The following PODNL1 variants were observed in gnomAD, a reference collection of about 807,000 sequenced individuals.
The protein encoded by PODNL1 is podocan like 1.
In PODNL1, 50 loss-of-function variants were observed where a neutral mutation model predicts 45.1. That is an observed-to-expected ratio of 1.11 (90% CI 0.88 to 1.40). PODNL1 has a LOEUF of 1.40. Among genes scored for constraint, PODNL1 ranks in the 40% most tolerant of loss-of-function variants. PODNL1 has a pLI of 0.00. For synonymous variants in PODNL1, 406 were observed against 372.5 expected (o/e 1.09, Z -1.04); for missense variants, 788 against 793.3 (o/e 0.99, Z 0.08).
chr19:13,935,845 C>T lies in PODNL1; in HGVS notation c.385-15G>A, dbSNP rs778090413. On this transcript the variant is annotated splice_polypyrimidine_tract_variant and intron_variant, in intron 4 of 9. Transcript: ENST00000588872. ...GCCACTGAGAGCTGTGGGGACACAGCCCACAGCCGGACTGGTCCTGGTGCG... is the reference window on the plus strand; with the variant it reads ...GCCACTGAGAGCTGTGGGGACACAGTCCACAGCCGGACTGGTCCTGGTGCG... The T allele has an allele frequency of 1.3e-6, 2 of 1,597,320 alleles. No homozygotes were observed. Among genetic ancestry groups the T allele is most frequent in the East Asian group, 2.2e-5 (1 of 44,514 alleles).
Position 13,933,239 on chromosome 19 carries a change from C to T in PODNL1, c.984G>A (p.Pro328=), listed in dbSNP as rs767820910. Residue 328 remains proline, a synonymous_variant, in exon 8 of 10, where the codon CCG becomes CCA. Transcript: ENST00000588872. The surrounding 1 kb of genome is among the most constrained non-coding windows in gnomAD (Gnocchi z 5.2). The part of the protein sequence containing the change: ...SSGLPAGALR[P]LRGLHTLHLY... The stretch of plus-strand genomic sequence containing the variant: ...GGTGCAGCGTGTGCAGGCCCCGCAG[C>T]GGCCGCAGAGCCCCGGCGGGCAGCC... 1.0e-4 allele frequency: 155 copies of T among 1,543,720 alleles called. No homozygotes were observed. The highest frequency in any genetic ancestry group is 3.3e-4 in the Middle Eastern group (2 of 5,996).
intron 1 of PODNL1, among the ~76,000 whole-genome samples, chr19:13,950,378 C>T (rs1384478553): frequency 2.0e-5 from 3 of 152,060 alleles, no homozygotes; most frequent in Non-Finnish European, 4.4e-5. Context: ...CCATGTTGCC[C>T]AGGCTGGTCT....
At chr19:13,953,021 C>G (rs190991584) in intron 1 of PODNL1, 61 of 1,364,996 alleles carry the variant, frequency 4.5e-5, no homozygotes, top group Non-Finnish European at 5.9e-5. Flanking sequence ...CTTCCCGCCC[C>G]CTTTGCAGAG....
At chr19:13,953,203 G>T in exon 1 of PODNL1, 1 of 1,431,926 alleles carries the variant, frequency 7.0e-7, no homozygotes, top group Non-Finnish European at 9.4e-7. Flanking sequence ...ACCGAAGCAG[G>T]CTCTGTCTCC....
intron 1 of PODNL1, among the ~76,000 whole-genome samples, chr19:13,943,803 C>T (rs73515543): frequency 0.077 from 11,776 of 152,182 alleles, 1,319 homozygotes; most frequent in African/African-American, 0.25. Context: ...TCTTTGGATT[C>T]AGGGTCCACT....
At position 13,948,203 on chromosome 19, in the gene PODNL1, C is replaced by CT. The variant is rs1213833304; in HGVS notation, c.18+4915dup. Among the ~76,000 whole-genome samples, 357 of 131,976 alleles carry CT rather than the reference C, an allele frequency of 2.7e-3. 1 individual carries two copies. Among genetic ancestry groups the CT allele is most frequent in the African/African-American group, 6.5e-3 (194 of 29,644 alleles). 86.6% of individuals were successfully genotyped at this position (131,976 alleles called of 152,430 possible). A position where few individuals can be genotyped will look rare whatever the true frequency, so the allele number is the denominator to read the frequency against. Reference sequence around the variant, plus strand: ...TCTCCATTTTCTTTTCTTTTCTTTTCTTTTTTTTTTTTTGAGACGGAGTCT... The same window carrying CT: ...TCTCCATTTTCTTTTCTTTTCTTTTCTTTTTTTTTTTTTTGAGACGGAGTCT... On this transcript the variant is annotated intron_variant, in intron 1 of 7. Transcript: ENST00000538371.
At chr19:13,941,315 G>A (rs972008444), upstream of PODNL1, among the ~76,000 whole-genome samples, 17 of 146,166 alleles carry the variant, frequency 1.2e-4, no homozygotes, top group Non-Finnish European at 1.6e-4. Flanking sequence ...GCAGTGAGCC[G>A]AGATCACACC....
At chr19:13,941,626 C>A (rs961951885), upstream of PODNL1, among the ~76,000 whole-genome samples, 3 of 152,108 alleles carry the variant, frequency 2.0e-5, no homozygotes, top group African/African-American at 7.2e-5. Context: ...TCCTGGCCAA[C>A]AAGGTGAAAC....
intron 1 of PODNL1, among the ~76,000 whole-genome samples, chr19:13,951,049 CA>C (rs59269074): frequency 0.19 from 12,827 of 66,650 alleles, 470 homozygotes; most frequent in Middle Eastern, 0.26. Context: ...AACTCCATCT[CA>C]AAAAAAAAAA....
In PODNL1 at chr19:13,934,010, A is replaced by G; in HGVS notation, c.652-17T>C. 1.9e-6 allele frequency: 3 copies of G among 1,583,046 alleles called. No homozygotes were observed. On this transcript the variant is annotated splice_polypyrimidine_tract_variant and intron_variant, in intron 6 of 9. Coordinates refer to ENST00000588872, the MANE Select transcript of PODNL1 (RefSeq NM_001370095.3). ...GAGATTGTTCTGGAGAAGGAAGAAGAGAATGAGACTTGAGTCTGGGATGAG... is the reference window on the plus strand; with the variant it reads ...GAGATTGTTCTGGAGAAGGAAGAAGGGAATGAGACTTGAGTCTGGGATGAG...
intron 1 of PODNL1, chr19:13,952,921 G>A (rs1973140452): frequency 1.2e-6 from 1 of 856,326 alleles, no homozygotes; most frequent in Non-Finnish European, 1.7e-6. Context: ...TCGGAGGGAG[G>A]CGACCCCAGA....
chr19:13,931,843 AG>A lies in PODNL1; in HGVS notation c.1618del (p.Leu540TrpfsTer19), dbSNP rs905389921. ...HMTSIAAEAFLGLPNLRVVDT... is the reference protein window; with the variant it reads ...HMTSIAAEAFXGLPNLRVVDT... ...CACCACACGCAGGTTTGGGAGCCCCAGGAAGGCCTCAGCCGCGATGCTCGTC... is the reference window on the plus strand; with the variant it reads ...CACCACACGCAGGTTTGGGAGCCCCAGAAGGCCTCAGCCGCGATGCTCGTC... On this transcript the variant is annotated frameshift_variant, in exon 10 of 10. Coordinates refer to ENST00000588872, the MANE Select transcript of PODNL1 (RefSeq NM_001370095.3). LOFTEE classifies it low-confidence loss of function (END_TRUNC). 6 of 1,231,836 alleles carry A rather than the reference AG, an allele frequency of 4.9e-6. No homozygotes were observed. The highest frequency in any genetic ancestry group is 6.1e-6 in the Non-Finnish European group (6 of 987,924). The allele number at this position is 1,231,836 out of a possible 1,614,324, so 76.3% of individuals were successfully genotyped here.
In PODNL1 at chr19:13,935,788, C is replaced by T. The variant is rs147712582; in HGVS notation, c.427G>A (p.Ala143Thr). The T allele has an allele frequency of 4.4e-5, 70 of 1,598,586 alleles. No individual in the cohort carries two copies. The African/African-American group carries it at 5.4e-4, about 12-fold the overall frequency. ...PQFLPRSLRV[A>T]DLAANQVMEI... ...ATCACTTGGTTGGCAGCCAGATCCG[C>T]GACACGGAGGGACCGGGGCAGAAAC... Residue 143 changes from alanine (A) to threonine (T), a missense_variant, in exon 5 of 10, where the codon GCG (alanine) becomes ACG (threonine). Physicochemically the swap from Ala to Thr is moderately conservative, Grantham distance 58. Coordinates refer to ENST00000588872, the MANE Select transcript of PODNL1 (RefSeq NM_001370095.3).
chr19:13,934,135 C>T lies in PODNL1; in HGVS notation c.651+119G>A. 7.3e-6 allele frequency: 10 copies of T among 1,370,632 alleles called. No individual in the cohort carries two copies. In the South Asian group the frequency reaches 1.3e-4, roughly 17 times the overall value. The allele number at this position is 1,370,632 out of a possible 1,614,324, so 84.9% of individuals were successfully genotyped here. A position where few individuals can be genotyped will look rare whatever the true frequency, so the allele number is the denominator to read the frequency against. ...AATAAAGTGATTCAAAGAAGGATAACTCTGACCACTGGCATTCTGAGGGGC... is the reference window on the plus strand; with the variant it reads ...AATAAAGTGATTCAAAGAAGGATAATTCTGACCACTGGCATTCTGAGGGGC... On this transcript the variant is annotated intron_variant, in intron 6 of 9. Transcript: ENST00000588872.
chr19:13,938,504 T>C, upstream of PODNL1: 3 of 1,184,824 alleles, frequency 2.5e-6, no homozygotes, highest in Non-Finnish European at 3.1e-6. Context: ...CAAGGAATGT[T>C]TGGGGAAAAG....
chr19:13,934,041 C>T lies in PODNL1; in HGVS notation c.652-48G>A, dbSNP rs779556159. The T allele has an allele frequency of 2.0e-5, 31 of 1,515,574 alleles. No homozygotes were observed. In the South Asian group the frequency reaches 2.3e-4, roughly 11 times the overall value. 93.9% of individuals were successfully genotyped at this position (1,515,574 alleles called of 1,614,324 possible). A position where few individuals can be genotyped will look rare whatever the true frequency, so the allele number is the denominator to read the frequency against. ...AGACTTGAGTCTGGGATGAGGGCAG[C>T]GGGAAGCCACAGACGGCTCTTGAGT... On this transcript the variant is annotated intron_variant, in intron 6 of 9. Transcript: ENST00000588872.
At position 13,931,922 on chromosome 19, in the gene PODNL1, C is replaced by T. The variant is rs1971969606; in HGVS notation, c.1575-35G>A. 8.9e-6 allele frequency: 11 copies of T among 1,232,058 alleles called. 1 individual carries two copies. The highest frequency in any genetic ancestry group is 1.1e-5 in the Non-Finnish European group (11 of 988,032). The allele number at this position is 1,232,058 out of a possible 1,614,324, so 76.3% of individuals were successfully genotyped here. A position where few individuals can be genotyped will look rare whatever the true frequency, so the allele number is the denominator to read the frequency against. ...GAGGCGGTCATGACCCTCCCAGGCCCTCCCCTGCCCACCTCCACCCCTCCG... is the reference window on the plus strand; with the variant it reads ...GAGGCGGTCATGACCCTCCCAGGCCTTCCCCTGCCCACCTCCACCCCTCCG... On this transcript the variant is annotated intron_variant, in intron 9 of 9. Transcript: ENST00000588872.
chr19:13,949,482 A>G (rs1002336390), intron 1 of PODNL1: 5 of 151,822 alleles, frequency 3.3e-5, no homozygotes, highest in Non-Finnish European at 7.4e-5. Context: ...AATGAAAAAA[A>G]AATGTTTTTT....
At chr19:13,940,289 G>A (rs1972611346), upstream of PODNL1, among the ~76,000 whole-genome samples, 1 of 151,860 alleles carries the variant, frequency 6.6e-6, no homozygotes, top group Non-Finnish European at 1.5e-5. Flanking sequence ...ACTTTGTGGG[G>A]GGCCAGGCGC....
Sources: gnomAD v4.1 joint callset for allele counts (sites outside exome capture counted in the v4.1 genomes callset) on GRCh38, gnomAD v4.1.1 for gene constraint, Gnocchi (gnomAD v3.1) non-coding constraint, MANE v1.5 for transcripts, NCBI Gene and HGNC (gene_info 2026-07-23, HGNC 2026-07-21) for gene names.